The following NAALADL2 variants were observed in gnomAD, a reference collection of about 807,000 sequenced individuals.
NAALADL2 encodes inactive N-acetylated-alpha-linked acidic dipeptidase-like protein 2.
Under a neutral mutation model 87.2 loss-of-function variants are expected in NAALADL2, and 76 were observed. The observed-to-expected ratio is 0.87, with a 90% CI of 0.72 to 1.05. NAALADL2 has a LOEUF of 1.05. Ranked by LOEUF, NAALADL2 falls within the 50% of genes least tolerant of loss-of-function variation. The pLI is 0.00. For synonymous variants in NAALADL2, 354 were observed against 331.0 expected (o/e 1.07, Z -0.75); for missense variants, 1,089 against 945.8 (o/e 1.15, Z -1.99).
chr3:175,698,483 T>TTTTATATATATATA lies in NAALADL2; in HGVS notation c.1897-38822_1897-38821insTTATATATATATAT, dbSNP rs1398396262. ...TGTGTATATATGTGTGTATATATATTTATATATATATATATATATAAAATC... is the reference window on the plus strand; with the variant it reads ...TGTGTATATATGTGTGTATATATATTTTTATATATATATATATATATATATATATATATAAAATC... On this transcript the variant is annotated intron_variant, in intron 11 of 13. Coordinates refer to ENST00000454872, the MANE Select transcript of NAALADL2 (RefSeq NM_207015.3). Among the ~76,000 whole-genome samples the TTTTATATATATATA allele has an allele frequency of 4.3e-4, 29 of 67,740 alleles. 1 individual carries two copies. The highest frequency in any genetic ancestry group is 2.6e-3 in the African/African-American group (29 of 11,058). The allele number at this position is 67,740 out of a possible 152,430, so 44.4% of individuals were successfully genotyped here.
intron 9 of NAALADL2, among the ~76,000 whole-genome samples, chr3:175,472,172 G>A (rs1233915516): frequency 6.6e-6 from 1 of 150,566 alleles, no homozygotes; most frequent in Non-Finnish European, 1.5e-5. Context: ...TGCTGTGTAG[G>A]CCCCCCGAGA....
chr3:174,771,166 AC>A (rs1714504011), intron 3 of NAALADL2, among the ~76,000 whole-genome samples: 1 of 152,142 alleles, frequency 6.6e-6, no homozygotes, highest in Admixed American at 6.5e-5. Context: ...CACCCAACAC[AC>A]TTTTGGGTAT....
rs1170197020 is a variant in NAALADL2, at chr3:175,270,048, A to G, written c.939+13518A>G. 2.0e-5 allele frequency among the ~76,000 whole-genome samples: 3 copies of G among 152,304 alleles called. 1 individual carries two copies. In the East Asian group the frequency reaches 5.8e-4, roughly 29 times the overall value. On this transcript the variant is annotated intron_variant, in intron 4 of 13. Coordinates refer to ENST00000454872, the MANE Select transcript of NAALADL2 (RefSeq NM_207015.3). The stretch of plus-strand genomic sequence containing the variant: ...AAAATCCTTAAAATAAAAATTTTCA[A>G]AATAAATAAATGTGGGGGGAAAAGC...
At chr3:175,575,978 C>T (rs1027723029) in intron 9 of NAALADL2, 63 bp from the exon 10 acceptor site, 2 of 1,359,348 alleles carry the variant, frequency 1.5e-6, no homozygotes, top group Middle Eastern at 2.4e-4. Context: ...TTTTGAGTAG[C>T]ACTGATCTAG....
At chr3:175,798,634 G>A (rs1335337686) in intron 13 of NAALADL2, among the ~76,000 whole-genome samples, 1 of 152,024 alleles carries the variant, frequency 6.6e-6, no homozygotes, top group Non-Finnish European at 1.5e-5. Context: ...GGAAATGTAT[G>A]TATTGATTTT....
At chr3:174,586,184 T>G (rs1438975214) in intron 2 of NAALADL2, among the ~76,000 whole-genome samples, 1 of 152,226 alleles carries the variant, frequency 6.6e-6, no homozygotes. Context: ...AATCATTTAT[T>G]TAGCACTGTT....
chr3:175,431,321 A>C (rs891802961), intron 5 of NAALADL2, among the ~76,000 whole-genome samples: 8 of 152,104 alleles, frequency 5.3e-5, no homozygotes, highest in Admixed American at 3.9e-4. Context: ...AAGCAGTAGC[A>C]GGACAATATG....
chr3:174,582,075 G>A (rs1212724168), intron 2 of NAALADL2, among the ~76,000 whole-genome samples: 1 of 152,140 alleles, frequency 6.6e-6, no homozygotes, highest in Non-Finnish European at 1.5e-5. Context: ...CGAATCAGTA[G>A]CATATTGTGA....
intron 3 of NAALADL2, among the ~76,000 whole-genome samples, chr3:174,832,480 G>C (rs1452574650): frequency 1.3e-5 from 2 of 151,902 alleles, no homozygotes; most frequent in East Asian, 1.9e-4. Context: ...TTGTTTTTTT[G>C]AGATGGAGTC....
At chr3:174,544,374 A>G (rs943966977) in intron 1 of NAALADL2, among the ~76,000 whole-genome samples, 2 of 152,108 alleles carry the variant, frequency 1.3e-5, no homozygotes, top group Non-Finnish European at 2.9e-5. Context: ...TATAATAACT[A>G]TGTGAATATT....
At chr3:174,947,425 A>G (rs1209427106) in intron 1 of NAALADL2, among the ~76,000 whole-genome samples, 6 of 152,158 alleles carry the variant, frequency 3.9e-5, no homozygotes, top group African/African-American at 1.4e-4. Context: ...TAATCTGAAT[A>G]TGACCTTTTT....
chr3:175,127,034 C>T (rs752721863), intron 2 of NAALADL2, among the ~76,000 whole-genome samples: 80 of 151,852 alleles, frequency 5.3e-4, no homozygotes, highest in African/African-American at 1.9e-3. Flanking sequence ...CTGCTGAAAT[C>T]GCCCTGAGGA....
chr3:174,732,236 A>G (rs1039540531), intron 2 of NAALADL2, among the ~76,000 whole-genome samples: 2 of 152,164 alleles, frequency 1.3e-5, no homozygotes, highest in Non-Finnish European at 2.9e-5. Flanking sequence ...AGGAGAGTAG[A>G]GTTCAGTGTA....
In NAALADL2 at chr3:174,906,676, C is replaced by T. The variant is rs1474856427; in HGVS notation, c.43+47226C>T. 3.9e-5 allele frequency among the ~76,000 whole-genome samples: 6 copies of T among 152,214 alleles called. 1 individual carries two copies. The highest frequency in any genetic ancestry group is 4.1e-4 in the South Asian group (2 of 4,826). ...CTCAGTCATGCTTCATATAAGACCA[C>T]AGCTTCCAACAATTCCCCAACTGCA... is the stretch of plus-strand genomic sequence containing the variant. On this transcript the variant is annotated intron_variant, in intron 1 of 13. Coordinates refer to ENST00000454872, the MANE Select transcript of NAALADL2 (RefSeq NM_207015.3).
At chr3:175,089,954 T>A (rs1440735121) in intron 1 of NAALADL2, among the ~76,000 whole-genome samples, 1 of 152,184 alleles carries the variant, frequency 6.6e-6, no homozygotes, top group Non-Finnish European at 1.5e-5. Context: ...AAATTTTTTC[T>A]CCTCCACTCT....
intron 2 of NAALADL2, among the ~76,000 whole-genome samples, chr3:174,623,602 A>AT (rs1157950597): frequency 1.3e-5 from 2 of 151,282 alleles, no homozygotes; most frequent in Non-Finnish European, 2.9e-5. Flanking sequence ...CGTCTGTGAG[A>AT]TTTTTTTCCA....
intron 10 of NAALADL2, among the ~76,000 whole-genome samples, chr3:175,617,435 C>G (rs1725497276): frequency 6.6e-6 from 1 of 152,154 alleles, no homozygotes; most frequent in African/African-American, 2.4e-5. Flanking sequence ...GTCCCCATCA[C>G]AGATTGGACA....
intron 10 of NAALADL2, among the ~76,000 whole-genome samples, chr3:175,584,285 C>T (rs111611998): frequency 0.022 from 3,310 of 152,196 alleles, 115 homozygotes; most frequent in African/African-American, 0.073. Flanking sequence ...CATCCACCCA[C>T]CTTGTCCTCC....
intron 3 of NAALADL2, among the ~76,000 whole-genome samples, chr3:174,791,841 A>G (rs553363627): frequency 8.5e-5 from 13 of 152,262 alleles, no homozygotes; most frequent in East Asian, 5.8e-4. Context: ...TCATTATTCT[A>G]TTCATTGAGG....
Sources: gnomAD v4.1 joint callset for allele counts (sites outside exome capture counted in the v4.1 genomes callset) on GRCh38, gnomAD v4.1.1 for gene constraint, MANE v1.5 for transcripts, NCBI Gene and HGNC (gene_info 2026-07-23, HGNC 2026-07-21) for gene names.